The following RRN3 variants were observed in gnomAD, a reference collection of about 807,000 sequenced individuals.
The protein encoded by RRN3 is RNA polymerase I-specific transcription initiation factor RRN3.
In RRN3, 38 loss-of-function variants were observed where a neutral mutation model predicts 82.3. The ratio of observed to expected loss-of-function variants is 0.46; its 90% CI spans 0.36 to 0.61. RRN3 has a LOEUF of 0.61. RRN3 is among the 20% of genes least tolerant of loss of function. The pLI, the probability that RRN3 is intolerant of heterozygous loss-of-function variation, is 0.00. For synonymous variants in RRN3, 284 were observed against 284.3 expected (o/e 1.00, Z 0.01); for missense variants, 726 against 793.1 (o/e 0.92, Z 1.02).
Position 15,061,553 on chromosome 16 carries a change from A to G in RRN3, c.*191T>C. On this transcript the variant is annotated 3_prime_UTR_variant, in exon 18 of 18. Coordinates refer to ENST00000198767, the MANE Select transcript of RRN3 (RefSeq NM_018427.5). ...CATGATAGTCTTCATTTTGTCTGTA[A>G]GGGGAACAACAACAACAAAAAAACC... 2.1e-6 allele frequency: 1 copy of G among 481,562 alleles called. No individual in the cohort carries two copies. The highest frequency in any genetic ancestry group is 3.7e-6 in the Non-Finnish European group (1 of 268,952). The allele number at this position is 481,562 out of a possible 1,614,324, so 29.8% of individuals were successfully genotyped here.
chr16:15,070,302 C>G, intron 13 of RRN3, 48 bp from the exon 14 acceptor site: 2 of 1,603,732 alleles, frequency 1.2e-6, no homozygotes, highest in Middle Eastern at 4.6e-4. Context: ...ATAAAAAAAC[C>G]AGAATAACAT....
intron 9 of RRN3, among the ~76,000 whole-genome samples, chr16:15,079,596 CTTT>C (rs35328128): frequency 7.7e-5 from 11 of 143,022 alleles, no homozygotes; most frequent in Non-Finnish European, 6.1e-5. Flanking sequence ...GGTTTCTTTT[CTTT>C]TTTTTTTTTT....
intron 15 of RRN3, among the ~76,000 whole-genome samples, chr16:15,067,920 G>A (rs1325343823): frequency 5.3e-5 from 8 of 151,744 alleles, no homozygotes; most frequent in Non-Finnish European, 1.2e-4. Context: ...ACCACACCCA[G>A]CTAATTTTTA....
chr16:15,085,732 C>A, intron 5 of RRN3, 34 bp from the exon 6 acceptor site: 1 of 1,611,556 alleles, frequency 6.2e-7, no homozygotes, highest in Non-Finnish European at 8.5e-7. Flanking sequence ...GTTATTCTGT[C>A]ATTGATCTAG....
chr16:15,061,554 G>T lies in RRN3; in HGVS notation c.*190C>A. On this transcript the variant is annotated 3_prime_UTR_variant, in exon 18 of 18. Coordinates refer to ENST00000198767, the MANE Select transcript of RRN3 (RefSeq NM_018427.5). ...ATGATAGTCTTCATTTTGTCTGTAAGGGGAACAACAACAACAAAAAAACCC... is the reference window on the plus strand; with the variant it reads ...ATGATAGTCTTCATTTTGTCTGTAATGGGAACAACAACAACAAAAAAACCC... 1 of 482,516 alleles carries T rather than the reference G, an allele frequency of 2.1e-6. No homozygotes were observed. The allele number at this position is 482,516 out of a possible 1,614,324, so 29.9% of individuals were successfully genotyped here. A position where few individuals can be genotyped will look rare whatever the true frequency, so the allele number is the denominator to read the frequency against.
Position 15,075,905 on chromosome 16 carries a change from G to T in RRN3, c.858+653C>A, listed in dbSNP as rs566768568. Among the ~76,000 whole-genome samples, 6 of 152,246 alleles carry T rather than the reference G, an allele frequency of 3.9e-5. No homozygotes were observed. The South Asian group carries it at 1.2e-3, about 32-fold the overall frequency. ...ACTTTCTCCAGAGCTGCCCTGAGCAGAAAGGAGCCAGGACCACCCTTGCAC... is the reference window on the plus strand; with the variant it reads ...ACTTTCTCCAGAGCTGCCCTGAGCATAAAGGAGCCAGGACCACCCTTGCAC... On this transcript the variant is annotated intron_variant, in intron 10 of 17. Transcript: ENST00000198767.
Position 15,088,449 on chromosome 16 carries a change from CAG to C in RRN3, c.253-1997_253-1996del, listed in dbSNP as rs1467265865. Among the ~76,000 whole-genome samples, 5 of 152,264 alleles carry C rather than the reference CAG, an allele frequency of 3.3e-5. No individual in the cohort carries two copies. In the East Asian group the frequency reaches 5.8e-4, roughly 18 times the overall value. On this transcript the variant is annotated intron_variant, in intron 3 of 17. Transcript: ENST00000198767. ...GCCCATTACACTCCAGCCCGGGTGA[CAG>C]AGCAAGACCCTGTCTCAAGATGGAA...
chr16:15,062,773 C>T (rs1315674587), intron 17 of RRN3, among the ~76,000 whole-genome samples: 2 of 152,180 alleles, frequency 1.3e-5, no homozygotes, highest in Non-Finnish European at 2.9e-5. Context: ...CTGGTTTAAG[C>T]AATTTATCCA....
chr16:15,062,307 C>T (rs1292350235), intron 17 of RRN3, among the ~76,000 whole-genome samples: 1 of 152,180 alleles, frequency 6.6e-6, no homozygotes, highest in Non-Finnish European at 1.5e-5. Context: ...ACGAGTCATT[C>T]TTGCCCAGTG....
chr16:15,072,954 T>C lies in RRN3; in HGVS notation c.1124A>G (p.Lys375Arg). ...QFFMFYLCSF[K>R]LGFAEAFLEH... The stretch of plus-strand genomic sequence containing the variant: ...GTTAATCACATTCTTACTCACCAAT[T>C]TGAAACTACAGAGGTAAAACATGAA... Residue 375 changes from lysine to arginine, a missense_variant, in exon 12 of 18, where the codon AAA (lysine) becomes AGA (arginine). This residue lies in a region of RRN3 where 344 missense variants were observed against 394.5 expected (regional missense o/e 0.87). Transcript: ENST00000198767. 6.2e-7 allele frequency: 1 copy of C among 1,613,154 alleles called. No homozygotes were observed. Among genetic ancestry groups the C allele is most frequent in the Non-Finnish European group, 8.5e-7 (1 of 1,179,804 alleles).
rs1179512809 is a variant in RRN3 at position 15,092,503 on chromosome 16, C to T, written c.195+6G>A. On this transcript the variant is annotated splice_donor_region_variant and intron_variant, in intron 2 of 17. Coordinates refer to ENST00000198767, the MANE Select transcript of RRN3 (RefSeq NM_018427.5). Reference sequence around the variant, plus strand: ...AAAGCAAACCTCACACATTATCTCCCCTTACCTTTTTGTACTTCAGCAAGA... The same window carrying T: ...AAAGCAAACCTCACACATTATCTCCTCTTACCTTTTTGTACTTCAGCAAGA... The T allele has an allele frequency of 3.1e-6, 5 of 1,593,542 alleles. No individual in the cohort carries two copies. The highest frequency in any genetic ancestry group is 2.2e-5 in the East Asian group (1 of 44,774).
At chr16:15,088,827 T>C (rs2046006869) in intron 3 of RRN3, among the ~76,000 whole-genome samples, 1 of 152,114 alleles carries the variant, frequency 6.6e-6, no homozygotes, top group Non-Finnish European at 1.5e-5. Context: ...GGGGGCCTTG[T>C]AAACCAGATC....
rs1429063890 is a variant in RRN3, at chr16:15,083,516, T to C, written c.663A>G (p.Thr221=). The change falls in exon 8 of 18, where the codon ACA becomes ACG. Residue 221 remains threonine (T), a synonymous_variant. Coordinates refer to ENST00000198767, the MANE Select transcript of RRN3 (RefSeq NM_018427.5). The part of the protein sequence containing the change: ...KFPFVRKSER[T]LECYVHNLLR... ...TCTCAATGAAAAGATTTCTTACCAGTGTTCTCTCTGATTTTCGAACAAATG... is the reference window on the plus strand; with the variant it reads ...TCTCAATGAAAAGATTTCTTACCAGCGTTCTCTCTGATTTTCGAACAAATG... The C allele has an allele frequency of 5.6e-6, 9 of 1,609,362 alleles. No individual in the cohort carries two copies. In the South Asian group the frequency reaches 6.7e-5, roughly 12 times the overall value.
chr16:15,094,076 A>G, intron 1 of RRN3, 69 bp downstream of exon 1: 1 of 1,385,222 alleles, frequency 7.2e-7, no homozygotes, highest in Non-Finnish European at 1.0e-6. Flanking sequence ...CATCCTTTCA[A>G]TCCGCTCCTC....
At chr16:15,087,291 CAT>C (rs930148274) in intron 3 of RRN3, among the ~76,000 whole-genome samples, 12 of 152,306 alleles carry the variant, frequency 7.9e-5, no homozygotes, top group Admixed American at 6.5e-4. Context: ...TGACACTCCA[CAT>C]ATATATCTTC....
intron 5 of RRN3, 117 bp from the exon 6 acceptor site, chr16:15,085,815 A>C: frequency 1.5e-5 from 21 of 1,437,288 alleles, no homozygotes; most frequent in Non-Finnish European, 2.0e-5. Flanking sequence ...ATTTTTCCAT[A>C]ATCCAAAGTT....
chr16:15,084,748 T>A (rs777819902), intron 6 of RRN3, 43 bp from the exon 7 acceptor site: 1 of 1,377,046 alleles, frequency 7.3e-7, no homozygotes, highest in Admixed American at 1.7e-5. Flanking sequence ...AAAACAAAAC[T>A]GAAGGGCGAC....
chr16:15,093,740 C>G lies in RRN3; in HGVS notation c.89+405G>C, dbSNP rs188128411. Reference sequence around the variant, plus strand: ...TGCGAAACAAATACGTGTGTCGAAACAAATTCCAAACAAAAAAGATGTAAT... The same window carrying G: ...TGCGAAACAAATACGTGTGTCGAAAGAAATTCCAAACAAAAAAGATGTAAT... On this transcript the variant is annotated intron_variant, in intron 1 of 17. Transcript: ENST00000198767. Among the ~76,000 whole-genome samples the G allele has an allele frequency of 3.1e-4, 47 of 152,268 alleles. 1 individual carries two copies. Among genetic ancestry groups the G allele is most frequent in the Admixed American group, 7.2e-4 (11 of 15,296 alleles).
intron 17 of RRN3, 24 bp from the exon 18 acceptor site, chr16:15,061,929 A>G (rs2044730579): frequency 1.3e-6 from 2 of 1,598,102 alleles, no homozygotes; most frequent in African/African-American, 1.3e-5. Context: ...AGAAATCATC[A>G]GTAACATCAC....
Sources: gnomAD v4.1 joint callset for allele counts (sites outside exome capture counted in the v4.1 genomes callset) on GRCh38, gnomAD v4.1.1 for gene constraint, gnomAD v4.1.1 regional missense constraint, MANE v1.5 for transcripts, NCBI Gene and HGNC (gene_info 2026-07-23, HGNC 2026-07-21) for gene names.